The following MALRD1 variants were observed in gnomAD, a reference collection of about 807,000 sequenced individuals.
The protein encoded by MALRD1 is MAM and LDL receptor class A domain containing 1, also known as MAM and LDL-receptor class A domain-containing protein 1.
In MALRD1, 247 loss-of-function variants were observed where a neutral mutation model predicts 242.1. That is an observed-to-expected ratio of 1.02 (90% confidence interval 0.92 to 1.13). MALRD1 has a LOEUF of 1.13. Among genes scored for constraint, MALRD1 ranks in the 50% most tolerant of loss-of-function variants. The pLI is 0.00. For synonymous variants in MALRD1, 995 were observed against 866.6 expected (o/e 1.15, Z -2.60); for missense variants, 2,989 against 2,533.1 (o/e 1.18, Z -3.86).
intron 13 of MALRD1, among the ~76,000 whole-genome samples, chr10:19,171,694 ATG>A (rs1175881653): frequency 6.1e-5 from 8 of 130,722 alleles, no homozygotes; most frequent in Admixed American, 2.3e-4. Context: ...ATATGTGTGT[ATG>A]TGTGTGTATA....
chr10:19,283,856 T>C (rs1016219407), intron 21 of MALRD1, among the ~76,000 whole-genome samples: 2 of 152,312 alleles, frequency 1.3e-5, no homozygotes, highest in Non-Finnish European at 1.5e-5. Flanking sequence ...ATAGAGTGCC[T>C]ACTGTGTGAG....
At chr10:19,489,983 T>TGGTG (rs953496100) in intron 29 of MALRD1, among the ~76,000 whole-genome samples, 27 of 152,290 alleles carry the variant, frequency 1.8e-4, no homozygotes, top group African/African-American at 6.3e-4. Context: ...AGTTGTGAAT[T>TGGTG]GGTGGGATGT....
At chr10:19,473,129 C>G (rs1394449967) in intron 29 of MALRD1, among the ~76,000 whole-genome samples, 3 of 45,504 alleles carry the variant, frequency 6.6e-5, no homozygotes, top group African/African-American at 2.6e-4. Context: ...TTATCCTCAA[C>G]TTAAATTTTG....
rs1373440994 is a variant in MALRD1, at chr10:19,531,362, A to G, written c.5478+11A>G. On this transcript the variant is annotated intron_variant, in intron 32 of 39. Coordinates refer to ENST00000454679, the MANE Select transcript of MALRD1 (RefSeq NM_001142308.3). ...ATGGGAATATTAAAGGTACAAAAGG[A>G]AGCCAGAGATTTATGATCACTGAAA... The G allele has an allele frequency of 6.6e-7, 1 of 1,515,660 alleles. No homozygotes were observed. Among genetic ancestry groups the G allele is most frequent in the Admixed American group, 2.0e-5 (1 of 48,914 alleles). 93.9% of individuals were successfully genotyped at this position (1,515,660 alleles called of 1,614,324 possible). A position where few individuals can be genotyped will look rare whatever the true frequency, so the allele number is the denominator to read the frequency against.
chr10:19,283,637 A>G (rs1350975693), intron 21 of MALRD1, among the ~76,000 whole-genome samples: 4 of 151,798 alleles, frequency 2.6e-5, no homozygotes, highest in Non-Finnish European at 5.9e-5. Context: ...TCATACATGT[A>G]TGAACACAGG....
intron 32 of MALRD1, among the ~76,000 whole-genome samples, chr10:19,543,556 G>C (rs1328666534): frequency 6.7e-6 from 1 of 149,306 alleles, no homozygotes; most frequent in African/African-American, 2.5e-5. Flanking sequence ...TTACAGGTCT[G>C]AGCCACCATA....
intron 19 of MALRD1, among the ~76,000 whole-genome samples, chr10:19,269,933 T>C (rs1255865438): frequency 6.6e-6 from 1 of 152,234 alleles, no homozygotes; most frequent in Non-Finnish European, 1.5e-5. Context: ...CATCGGTCTC[T>C]CTTTCAAGTC....
intron 36 of MALRD1, among the ~76,000 whole-genome samples, chr10:19,687,498 G>C (rs569668329): frequency 6.6e-6 from 1 of 152,044 alleles, no homozygotes; most frequent in Non-Finnish European, 1.5e-5. Flanking sequence ...TCTCTGGTTG[G>C]TGTCAGCCTA....
At chr10:19,170,088 T>C (rs1834859803) in intron 13 of MALRD1, among the ~76,000 whole-genome samples, 1 of 152,240 alleles carries the variant, frequency 6.6e-6, no homozygotes, top group Admixed American at 6.5e-5. Context: ...GTAGGGCATT[T>C]GCTCTTCCTG....
chr10:19,159,693 C>T (rs888112656), intron 12 of MALRD1, among the ~76,000 whole-genome samples: 16 of 151,910 alleles, frequency 1.1e-4, no homozygotes, highest in African/African-American at 3.9e-4. Context: ...TTTTGAACTT[C>T]TGAATCATGA....
intron 24 of MALRD1, among the ~76,000 whole-genome samples, chr10:19,343,622 ATCT>A (rs1843980452): frequency 6.6e-6 from 1 of 152,088 alleles, no homozygotes; most frequent in South Asian, 2.1e-4. Flanking sequence ...GGTCTTAAAG[ATCT>A]TCTTTCTCTC....
chr10:19,276,301 T>G (rs1320411212), intron 19 of MALRD1, among the ~76,000 whole-genome samples: 1 of 151,946 alleles, frequency 6.6e-6, no homozygotes, highest in Non-Finnish European at 1.5e-5. Context: ...TTTAATTATA[T>G]ATATATATAT....
rs746678904 is a variant in MALRD1, at chr10:19,283,032, C to A, written c.3270C>A (p.Cys1090Ter). ...ACCCCATCCAAGTTATGGAAGTTTGCAGCTTTGAGAAAAGAAGCCTGTGTA... is the reference window on the plus strand; with the variant it reads ...ACCCCATCCAAGTTATGGAAGTTTGAAGCTTTGAGAAAAGAAGCCTGTGTA... The part of the protein sequence containing the change: ...SDEASCVMEV[C>*]SFEKRSLCKW... The change falls in exon 21 of 40, where the codon TGC (cysteine) becomes TGA (stop). Residue 1090 changes from cysteine (C) to a stop codon, truncating the protein, a stop_gained. Coordinates refer to ENST00000454679, the MANE Select transcript of MALRD1 (RefSeq NM_001142308.3). LOFTEE classifies it high-confidence loss of function. 3 of 1,543,982 alleles carry A rather than the reference C, an allele frequency of 1.9e-6. No individual in the cohort carries two copies. In the African/African-American group the frequency reaches 4.1e-5, roughly 21 times the overall value.
chr10:19,163,113 G>A (rs1834505041), intron 12 of MALRD1, among the ~76,000 whole-genome samples: 1 of 103,564 alleles, frequency 9.7e-6, no homozygotes, highest in Non-Finnish European at 1.7e-5. Flanking sequence ...ACTCCAGCCT[G>A]AACAACTGGA....
chr10:19,607,953 C>A, intron 35 of MALRD1, 51 bp downstream of exon 35: 1 of 1,530,514 alleles, frequency 6.5e-7, no homozygotes, highest in South Asian at 1.2e-5. Context: ...GCAACTTAAC[C>A]TGCAACACAA....
intron 29 of MALRD1, among the ~76,000 whole-genome samples, chr10:19,479,723 T>C (rs964439199): frequency 6.6e-5 from 10 of 152,178 alleles, no homozygotes; most frequent in African/African-American, 2.4e-4. Context: ...TTATCTCCTA[T>C]CCATTTTACA....
At chr10:19,646,176 A>G (rs1354553469) in intron 36 of MALRD1, among the ~76,000 whole-genome samples, 3 of 152,270 alleles carry the variant, frequency 2.0e-5, no homozygotes, top group African/African-American at 7.2e-5. Flanking sequence ...CCTTTGCAGC[A>G]GTTCATTAGG....
intron 32 of MALRD1, among the ~76,000 whole-genome samples, chr10:19,544,507 G>A (rs1835121029): frequency 6.6e-6 from 1 of 151,830 alleles, no homozygotes; most frequent in African/African-American, 2.4e-5. Context: ...CTTTAGATGG[G>A]TTGGCTAGAT....
At chr10:19,618,338 G>T (rs1000917094) in intron 36 of MALRD1, among the ~76,000 whole-genome samples, 5 of 151,948 alleles carry the variant, frequency 3.3e-5, no homozygotes, top group African/African-American at 1.2e-4. Flanking sequence ...TATTCCTTTG[G>T]GTATATACCC....
Sources: allele counts gnomAD v4.1 joint callset (sites outside exome capture counted in the v4.1 genomes callset), GRCh38; gene constraint gnomAD v4.1.1; transcripts MANE v1.5; gene names NCBI Gene and HGNC (gene_info 2026-07-23, HGNC 2026-07-21).